Variants in COL4A5 observed in about 807,000 individuals in gnomAD.
The protein encoded by COL4A5 is collagen alpha-5(IV) chain.
Under a neutral mutation model 130.2 loss-of-function variants are expected in COL4A5, and 26 were observed. The ratio of observed to expected loss-of-function variants is 0.20; its 90% CI spans 0.15 to 0.28. The LOEUF is 0.28. COL4A5 is among the 10% of genes least tolerant of loss of function. The pLI is 1.00. For missense variants in COL4A5, 1,131 were observed against 1,344.3 expected, an observed-to-expected ratio of 0.84 and a Z score of 2.48; for synonymous variants, 496 against 439.6, an observed-to-expected ratio of 1.13 and a Z score of -1.60.
At chrX:108,695,556 G>A in intron 52 of COL4A5, 117 bp downstream of exon 52, 1 of 789,000 alleles carries the variant, frequency 1.3e-6, no homozygotes, top group Non-Finnish European at 1.9e-6. Context: ...ATTGGATTGT[G>A]TACTTTATTC....
rs2066639648 is a variant in COL4A5, at chrX:108,601,960, T to C, written c.2117T>C (p.Ile706Thr). Residue 706 changes from isoleucine to threonine, a missense_variant, in exon 27 of 53, where the codon ATT (isoleucine) becomes ACT (threonine). By Grantham distance (89) the Ile-to-Thr change is moderately conservative. Coordinates refer to ENST00000328300, the MANE Select transcript of COL4A5 (RefSeq NM_033380.3). ...GSKGEPGIPG[I>T]GLPGPPGPKG... ...AAAGGAGAACCAGGTATCCCTGGAA[T>C]TGGGCTTCCTGGACCACCTGGTCCC... 1 of 1,151,929 alleles carries C rather than the reference T, an allele frequency of 8.7e-7. No individual in the cohort carries two copies. Among genetic ancestry groups the C allele is most frequent in the East Asian group, 3.1e-5 (1 of 32,211 alleles). The allele number at this position is 1,151,929 out of a possible 1,213,427, so 94.9% of individuals were successfully genotyped here. A position where few individuals can be genotyped will look rare whatever the true frequency, so the allele number is the denominator to read the frequency against.
intron 47 of COL4A5, among the ~76,000 whole-genome samples, chrX:108,683,868 T>C (rs1038243218): frequency 9.0e-6 from 1 of 111,639 alleles, no homozygotes; most frequent in Admixed American, 9.6e-5. Context: ...CTTTTCCTAA[T>C]TGAATACCCA....
At chrX:108,591,684 T>G (rs2147798395) in intron 21 of COL4A5, 40 bp downstream of exon 21, 2 of 1,058,332 alleles carry the variant, frequency 1.9e-6, no homozygotes, top group Non-Finnish European at 2.6e-6. Flanking sequence ...ATTTTCTTCA[T>G]TCTTTCAAAT....
At position 108,681,885 on chromosome X, in the gene COL4A5, C is replaced by T; in HGVS notation, c.4213C>T (p.Pro1405Ser). The T allele has an allele frequency of 8.3e-7, 1 of 1,206,293 alleles. No individual in the cohort carries two copies. Among genetic ancestry groups the T allele is most frequent in the Admixed American group, 2.2e-5 (1 of 45,909 alleles). Residue 1405 changes from proline (P) to serine (S), a missense_variant, in exon 47 of 53, where the codon CCA (proline) becomes TCA (serine). Physicochemically the swap from Pro to Ser is moderately conservative, Grantham distance 74 (BLOSUM62 -1). Transcript: ENST00000328300. ...LPGPQGPQGL[P>S]GPTGPPGDPG... ...AGGACCCCAAGGACCTCAAGGCTTA[C>T]CAGGTACCAATGCAGATCATCTTTA...
chrX:108,550,725 TA>T (rs1036365314), intron 2 of COL4A5, among the ~76,000 whole-genome samples: 17 of 111,627 alleles, frequency 1.5e-4, no homozygotes, highest in African/African-American at 4.9e-4. Flanking sequence ...AAGGAAGAAA[TA>T]ATTTTTTTTG....
rs140079506 is a variant in COL4A5, at chrX:108,439,879, G to C, written c.-247G>C. 528 of 410,483 alleles carry C rather than the reference G, an allele frequency of 1.3e-3. 8 individuals carry two copies. The East Asian group carries it at 0.02, about 15-fold the overall frequency. The allele number at this position is 410,483 out of a possible 1,213,427, so 33.8% of individuals were successfully genotyped here. ...AGTGAAGAAAAAGTTTGCAAGTCTG[G>C]ACAGAAGGGAAAAGTTCTCCTGAGA... On this transcript the variant is annotated 5_prime_UTR_variant, in exon 1 of 53. Transcript: ENST00000328300.
chrX:108,650,745 A>G (rs1011000569), intron 36 of COL4A5, among the ~76,000 whole-genome samples: 15 of 110,570 alleles, frequency 1.4e-4, no homozygotes, highest in African/African-American at 3.3e-5. Flanking sequence ...CAAAGGCATA[A>G]GAATGATACA....
At position 108,591,626 on chromosome X, in the gene COL4A5, G is replaced by A; in HGVS notation, c.1405G>A (p.Gly469Arg). 1 of 1,201,248 alleles carries A rather than the reference G, an allele frequency of 8.3e-7. No individual in the cohort carries two copies. Among genetic ancestry groups the A allele is most frequent in the Non-Finnish European group, 1.1e-6 (1 of 886,287 alleles). ...ATCTCCAGGTGATAAAGGACTCCAA[G>A]GAGAACAAGGAGTGAAAGGTTTGAT... ...PGSPGDKGLQ[G>R]EQGVKGDKGD... is the part of the protein sequence containing the mutation. The change falls in exon 21 of 53, where the codon GGA becomes AGA. Residue 469 changes from glycine to arginine, a missense_variant. Gly to Arg is a moderately radical substitution (Grantham distance 125, BLOSUM62 -2). Transcript: ENST00000328300.
intron 2 of COL4A5, among the ~76,000 whole-genome samples, chrX:108,549,576 G>T (rs1421452505): frequency 9.0e-6 from 1 of 111,305 alleles, no homozygotes; most frequent in East Asian, 2.8e-4. Context: ...ATTTTGGAAT[G>T]GGGTTAAAGC....
intron 19 of COL4A5, among the ~76,000 whole-genome samples, chrX:108,590,006 T>C (rs1302274151): frequency 1.8e-5 from 2 of 111,905 alleles, no homozygotes; most frequent in Non-Finnish European, 3.8e-5. Context: ...AAATAAGACA[T>C]ATATGTGGCC....
At chrX:108,518,839 T>C (rs1269793670) in intron 1 of COL4A5, among the ~76,000 whole-genome samples, 1 of 111,240 alleles carries the variant, frequency 9.0e-6, no homozygotes, top group African/African-American at 3.3e-5. Flanking sequence ...TGTTCATCCC[T>C]AATTTAATTT....
At chrX:108,572,862 G>C (rs2066087689) in intron 8 of COL4A5, among the ~76,000 whole-genome samples, 1 of 111,752 alleles carries the variant, frequency 8.9e-6, no homozygotes, top group Admixed American at 9.5e-5. Flanking sequence ...TGCATGCTCT[G>C]GTCCTTGCCT....
intron 1 of COL4A5, among the ~76,000 whole-genome samples, chrX:108,456,123 G>A (rs944389454): frequency 2.7e-5 from 3 of 110,347 alleles, no homozygotes; most frequent in African/African-American, 6.6e-5. Context: ...CATTAATTTA[G>A]GTATTCTTTA....
chrX:108,598,048 G>A (rs940076104), intron 24 of COL4A5, among the ~76,000 whole-genome samples: 15 of 110,144 alleles, frequency 1.4e-4, no homozygotes, highest in Non-Finnish European at 2.3e-4. Flanking sequence ...AAAATTAGCC[G>A]GGCATGGTGG....
intron 4 of COL4A5, among the ~76,000 whole-genome samples, chrX:108,567,666 A>G: frequency 8.9e-6 from 1 of 112,037 alleles, no homozygotes; most frequent in East Asian, 2.8e-4. Context: ...GAGGCCTCAC[A>G]ATCATGGCAG....
chrX:108,596,777 T>C (rs1263876676), intron 22 of COL4A5, among the ~76,000 whole-genome samples: 1 of 112,455 alleles, frequency 8.9e-6, no homozygotes, highest in Non-Finnish European at 1.9e-5. Flanking sequence ...ATATTGTATG[T>C]AACATGAAAT....
At chrX:108,515,374 C>T (rs775029237) in intron 1 of COL4A5, among the ~76,000 whole-genome samples, 3 of 111,746 alleles carry the variant, frequency 2.7e-5, no homozygotes, top group East Asian at 2.8e-4. Flanking sequence ...CAACAAGAGG[C>T]GAAGCAGCAA....
intron 36 of COL4A5, among the ~76,000 whole-genome samples, chrX:108,654,662 G>A (rs2067801312): frequency 8.9e-6 from 1 of 112,335 alleles, no homozygotes. Context: ...GCCCAGGCTG[G>A]TCTTAAACTC....
intron 1 of COL4A5, among the ~76,000 whole-genome samples, chrX:108,539,152 G>A (rs1341677004): frequency 2.7e-5 from 3 of 110,133 alleles, no homozygotes; most frequent in East Asian, 5.7e-4. Flanking sequence ...AATACAGAGT[G>A]AGAGGTAATT....
Sources: gnomAD v4.1 joint callset for allele counts (sites outside exome capture counted in the v4.1 genomes callset) on GRCh38, gnomAD v4.1.1 for gene constraint, MANE v1.5 for transcripts, NCBI Gene and HGNC (gene_info 2026-07-23, HGNC 2026-07-21) for gene names.